Variants in REPS2 observed in about 807,000 individuals in gnomAD.
The protein encoded by REPS2 is RALBP1 associated Eps domain containing 2.
In REPS2, 23 loss-of-function variants were observed where a neutral mutation model predicts 53.6. The ratio of observed to expected loss-of-function variants is 0.43; its 90% confidence interval spans 0.31 to 0.61. REPS2 has a LOEUF of 0.61. Ranked by LOEUF, REPS2 falls within the 20% of genes least tolerant of loss-of-function variation. REPS2 has a pLI of 0.11. For missense variants in REPS2, 446 were observed against 534.9 expected (o/e 0.83, Z 1.64); for synonymous variants, 238 against 218.6 (o/e 1.09, Z -0.78).
Position 17,133,888 on chromosome X carries a change from A to G in REPS2, c.1643A>G (p.Glu548Gly). ...QLSRAPSQAA[E>G]SSPAKKDVLY... is the part of the protein sequence containing the mutation. ...AGCAGAGCCCCATCCCAGGCTGCAG[A>G]AAGTAGTCCAGCAAAGAAGGTAAGG... The change falls in exon 15 of 18, where the codon GAA (glutamate) becomes GGA (glycine). Residue 548 changes from glutamate (E) to glycine (G), a missense_variant. By Grantham distance (98) the Glu-to-Gly change is moderately conservative. Coordinates refer to ENST00000357277, the MANE Select transcript of REPS2 (RefSeq NM_004726.3). 3.3e-6 allele frequency: 4 copies of G among 1,210,442 alleles called. No homozygotes were observed. Among genetic ancestry groups the G allele is most frequent in the Non-Finnish European group, 4.5e-6 (4 of 894,273 alleles).
At chrX:17,165,584 G>T in the REPS2 span, among the ~76,000 whole-genome samples, 1 of 111,778 alleles carries the variant, frequency 8.9e-6, no homozygotes, top group Non-Finnish European at 1.9e-5. Flanking sequence ...CTATTTAGTT[G>T]TCTGAGGGAG....
chrX:17,047,459 C>G lies in REPS2; in HGVS notation c.884C>G (p.Pro295Arg). ...YYVNQFRSLQ[P>R]DPSSFISGSV... ...GTCAATCAGTTCCGATCCCTTCAGC[C>G]AGACCCAAGCTCTTTCATTTCAGGT... Residue 295 changes from proline (P) to arginine (R), a missense_variant, in exon 6 of 18, where the codon CCA becomes CGA. Coordinates refer to ENST00000357277, the MANE Select transcript of REPS2 (RefSeq NM_004726.3). The G allele has an allele frequency of 8.3e-7, 1 of 1,210,088 alleles. No individual in the cohort carries two copies. Among genetic ancestry groups the G allele is most frequent in the South Asian group, 1.8e-5 (1 of 56,510 alleles).
the REPS2 span, among the ~76,000 whole-genome samples, chrX:17,178,888 C>CAAAAA: frequency 1.5e-5 from 1 of 65,399 alleles, no homozygotes; most frequent in Non-Finnish European, 3.1e-5. Context: ...GACTCGGTCT[C>CAAAAA]AAAAAAAAAA....
chrX:17,161,175 C>G, the REPS2 span, among the ~76,000 whole-genome samples: 1 of 111,080 alleles, frequency 9.0e-6, no homozygotes, highest in Admixed American at 9.6e-5. Context: ...TAGGGGCCAC[C>G]AGAGGGCAGA....
chrX:17,124,845 C>T (rs1202660621), intron 14 of REPS2, among the ~76,000 whole-genome samples: 1 of 106,735 alleles, frequency 9.4e-6, no homozygotes, highest in African/African-American at 3.4e-5. Context: ...CAAAGTTCTA[C>T]AGATGGACTT....
At chrX:17,021,325 T>A (rs1021299801) in intron 2 of REPS2, among the ~76,000 whole-genome samples, 1 of 112,709 alleles carries the variant, frequency 8.9e-6, no homozygotes, top group Admixed American at 9.4e-5. Flanking sequence ...GAAAGATGAG[T>A]AAATATACCA....
chrX:17,077,546 A>G lies in REPS2; in HGVS notation c.1516+139A>G, dbSNP rs1187852404. 6.8e-6 allele frequency: 4 copies of G among 590,672 alleles called. No individual in the cohort carries two copies. In the East Asian group the frequency reaches 1.6e-4, roughly 23 times the overall value. The allele number at this position is 590,672 out of a possible 1,213,427, so 48.7% of individuals were successfully genotyped here. ...ATTCCGTGAAGGTCTTCACGTGGCT[A>G]TGGTATTCTTGGGAGAGAAAGCAAT... is the stretch of plus-strand genomic sequence containing the variant. On this transcript the variant is annotated intron_variant, in intron 13 of 17. Coordinates refer to ENST00000357277, the MANE Select transcript of REPS2 (RefSeq NM_004726.3).
the REPS2 span, among the ~76,000 whole-genome samples, chrX:17,191,172 C>T: frequency 9.0e-6 from 1 of 111,669 alleles, no homozygotes; most frequent in South Asian, 3.7e-4. Context: ...AATGTAAAGA[C>T]AAGCAGATTG....
At chrX:17,178,596 A>G in the REPS2 span, among the ~76,000 whole-genome samples, 2 of 111,849 alleles carry the variant, frequency 1.8e-5, no homozygotes, top group Admixed American at 1.9e-4. Context: ...TTGCTACGCT[A>G]TGGGCATAAA....
At chrX:16,962,222 A>G (rs992960556) in intron 1 of REPS2, among the ~76,000 whole-genome samples, 3 of 109,358 alleles carry the variant, frequency 2.7e-5, no homozygotes, top group African/African-American at 1.0e-4. Context: ...TAGCCAAGAT[A>G]TGGAAACAAT....
At chrX:17,144,758 G>A (rs190271400) in intron 17 of REPS2, among the ~76,000 whole-genome samples, 1 of 112,009 alleles carries the variant, frequency 8.9e-6, no homozygotes, top group Non-Finnish European at 1.9e-5. Context: ...TCCTAAGGGG[G>A]ACCCTGCTGC....
At chrX:17,053,011 GGATGGTCCA>G (rs1277632449) in intron 7 of REPS2, among the ~76,000 whole-genome samples, 2 of 111,458 alleles carry the variant, frequency 1.8e-5, no homozygotes, top group Non-Finnish European at 3.8e-5. Flanking sequence ...GGCTATGCTG[GGATGGTCCA>G]GATGGCTCTA....
the REPS2 span, among the ~76,000 whole-genome samples, chrX:17,160,437 G>A: frequency 8.9e-6 from 1 of 112,664 alleles, no homozygotes; most frequent in East Asian, 2.8e-4. Context: ...TTTAGCAGAA[G>A]TCAAAAACAG....
At chrX:17,167,754 G>A in the REPS2 span, among the ~76,000 whole-genome samples, 15 of 108,970 alleles carry the variant, frequency 1.4e-4, no homozygotes, top group Admixed American at 8.0e-4. Flanking sequence ...CTTCCATTAC[G>A]CAGCCAACAA....
At position 17,149,265 on chromosome X, in the gene REPS2, C is replaced by T; in HGVS notation, c.*1784C>T. 1.1e-5 allele frequency: 2 copies of T among 182,423 alleles called. No individual in the cohort carries two copies. The highest frequency in any genetic ancestry group is 1.7e-4 in the South Asian group (2 of 12,036). The allele number at this position is 182,423 out of a possible 1,213,427, so 15.0% of individuals were successfully genotyped here. The stretch of plus-strand genomic sequence containing the variant: ...ACAAATTTTTAGGCAACTGCTTTTT[C>T]CATGTTCTGAGATCTACGGGCTACA... On this transcript the variant is annotated 3_prime_UTR_variant, in exon 18 of 18. Coordinates refer to ENST00000357277, the MANE Select transcript of REPS2 (RefSeq NM_004726.3).
intron 2 of REPS2, among the ~76,000 whole-genome samples, chrX:17,012,206 C>T (rs1312373801): frequency 1.8e-5 from 2 of 109,588 alleles, no homozygotes; most frequent in African/African-American, 6.7e-5. Flanking sequence ...GGTGAAACCC[C>T]GTCTCTACTA....
the REPS2 span, among the ~76,000 whole-genome samples, chrX:17,163,613 A>C: frequency 8.9e-6 from 1 of 112,269 alleles, no homozygotes; most frequent in Non-Finnish European, 1.9e-5. Context: ...AGGGATGCTC[A>C]ATAAGATTAA....
At chrX:17,079,094 A>G (rs1031266570) in intron 13 of REPS2, among the ~76,000 whole-genome samples, 1 of 112,485 alleles carries the variant, frequency 8.9e-6, no homozygotes, top group Non-Finnish European at 1.9e-5. Flanking sequence ...TAATAAAAAA[A>G]TCTGAAATGC....
At chrX:17,160,883 C>T in the REPS2 span, among the ~76,000 whole-genome samples, 1 of 111,905 alleles carries the variant, frequency 8.9e-6, no homozygotes, top group Non-Finnish European at 1.9e-5. Flanking sequence ...AACTGTTACC[C>T]GATGCCTGTC....
Sources: allele counts gnomAD v4.1 joint callset (sites outside exome capture counted in the v4.1 genomes callset), GRCh38; gene constraint gnomAD v4.1.1; transcripts MANE v1.5; gene names NCBI Gene and HGNC (gene_info 2026-07-23, HGNC 2026-07-21).